The following FGF14 variants were observed in gnomAD, a reference collection of about 807,000 sequenced individuals.
FGF14 encodes the protein fibroblast growth factor homologous factor 4.
Under a neutral mutation model 25.5 loss-of-function variants are expected in FGF14, and 5 were observed. That is an observed-to-expected ratio of 0.20 (90% CI 0.10 to 0.41). The LOEUF is 0.41. Among genes scored for constraint, FGF14 ranks in the 10% least tolerant of loss-of-function variants. The pLI is 1.00. For synonymous variants in FGF14, 138 were observed against 118.3 expected, an observed-to-expected ratio of 1.17 and a Z score of -1.08; for missense variants, 222 against 320.1, an observed-to-expected ratio of 0.69 and a Z score of 2.34.
At chr13:101,937,207 T>C (rs900076378) in intron 1 of FGF14, among the ~76,000 whole-genome samples, 1 of 152,200 alleles carries the variant, frequency 6.6e-6, no homozygotes, top group African/African-American at 2.4e-5. Flanking sequence ...ATAATGAACA[T>C]ATCAGAATAA....
chr13:101,827,283 T>G (rs2042434550), intron 3 of FGF14, among the ~76,000 whole-genome samples: 2 of 151,986 alleles, frequency 1.3e-5, no homozygotes, highest in Non-Finnish European at 2.9e-5. Context: ...ATATTTACAA[T>G]GCACATAGCT....
chr13:102,066,548 C>A (rs1300788354), intron 1 of FGF14, among the ~76,000 whole-genome samples: 1 of 152,134 alleles, frequency 6.6e-6, no homozygotes, highest in African/African-American at 2.4e-5. Context: ...ATAAAGCTCC[C>A]ATTACATATG....
chr13:102,232,248 G>GA (rs1200978426), intron 1 of FGF14, among the ~76,000 whole-genome samples: 2 of 151,712 alleles, frequency 1.3e-5, no homozygotes, highest in African/African-American at 2.4e-5. Flanking sequence ...ATTAAAAGTA[G>GA]AAAAAAAATC....
chr13:101,877,320 T>C (rs2045456467), intron 1 of FGF14, among the ~76,000 whole-genome samples: 1 of 152,206 alleles, frequency 6.6e-6, no homozygotes, highest in African/African-American at 2.4e-5. Flanking sequence ...ACGTTTTTCC[T>C]TTTTAGAAAT....
chr13:102,135,432 G>A (rs901074783), intron 1 of FGF14, among the ~76,000 whole-genome samples: 2 of 152,056 alleles, frequency 1.3e-5, no homozygotes, highest in Non-Finnish European at 2.9e-5. Context: ...CGAACAAATA[G>A]CACATTTACA....
intron 1 of FGF14, among the ~76,000 whole-genome samples, chr13:101,981,580 T>C (rs2038268902): frequency 6.6e-6 from 1 of 151,976 alleles, no homozygotes; most frequent in Admixed American, 6.6e-5. Context: ...GCCATCACTG[T>C]AAGGGCTATA....
At chr13:102,387,827 G>A (rs2058341621) in intron 1 of FGF14, among the ~76,000 whole-genome samples, 2 of 152,108 alleles carry the variant, frequency 1.3e-5, no homozygotes. Flanking sequence ...TGCCTCCCAG[G>A]TTCAAGCGAT....
chr13:102,383,855 T>C (rs1327893231), intron 1 of FGF14, among the ~76,000 whole-genome samples: 1 of 151,946 alleles, frequency 6.6e-6, no homozygotes, highest in Non-Finnish European at 1.5e-5. Context: ...TCAGGAAGGG[T>C]TGGGTGTGAA....
intron 1 of FGF14, among the ~76,000 whole-genome samples, chr13:101,936,527 A>G (rs2035117310): frequency 6.6e-6 from 1 of 152,204 alleles, no homozygotes; most frequent in South Asian, 2.1e-4. Context: ...AAACACAGGC[A>G]TTTCAGGGAC....
chr13:101,947,952 G>A (rs9582540), intron 1 of FGF14, among the ~76,000 whole-genome samples: 7,565 of 152,052 alleles, frequency 0.05, 632 homozygotes, highest in African/African-American at 0.17. Flanking sequence ...AATTCTTTCA[G>A]GACAAATAAA....
intron 3 of FGF14, among the ~76,000 whole-genome samples, chr13:101,788,550 A>C (rs944594150): frequency 3.9e-5 from 6 of 152,084 alleles, no homozygotes; most frequent in African/African-American, 1.4e-4. Context: ...ATGTTGTTGT[A>C]AGAGAGACAA....
At chr13:102,320,623 T>C (rs575890402) in intron 1 of FGF14, among the ~76,000 whole-genome samples, 125 of 152,214 alleles carry the variant, frequency 8.2e-4, no homozygotes, top group African/African-American at 2.9e-3. Context: ...CAATTAGAGG[T>C]AGGAGGCAAG....
chr13:101,916,657 G>A lies in FGF14; in HGVS notation c.-12C>T, dbSNP rs764921436. ...ATGGCCGCGGCCATGGTGGCCCCGGGAACGGGTCCGGGGAGGGAGGGCGCG... is the reference window on the plus strand; with the variant it reads ...ATGGCCGCGGCCATGGTGGCCCCGGAAACGGGTCCGGGGAGGGAGGGCGCG... On this transcript the variant is annotated 5_prime_UTR_variant, in exon 1 of 5. Transcript: ENST00000376143. The A allele has an allele frequency of 5.7e-5, 88 of 1,534,626 alleles. No individual in the cohort carries two copies. The highest frequency in any genetic ancestry group is 7.7e-5 in the Admixed American group (4 of 51,616).
chr13:102,104,531 C>A (rs1358393308), intron 1 of FGF14, among the ~76,000 whole-genome samples: 2 of 152,088 alleles, frequency 1.3e-5, no homozygotes, highest in Non-Finnish European at 2.9e-5. Context: ...ATCCCAAAAC[C>A]TTGGAAGGCT....
chr13:101,811,459 T>G (rs930561115), intron 3 of FGF14, among the ~76,000 whole-genome samples: 1 of 152,218 alleles, frequency 6.6e-6, no homozygotes, highest in Non-Finnish European at 1.5e-5. Flanking sequence ...TTCCTTTTAG[T>G]GCTGAATAAT....
At chr13:102,084,908 T>C (rs1208319161) in intron 1 of FGF14, among the ~76,000 whole-genome samples, 1 of 152,154 alleles carries the variant, frequency 6.6e-6, no homozygotes, top group Non-Finnish European at 1.5e-5. Context: ...AAACCCTTAT[T>C]AATACTGATT....
intron 1 of FGF14, among the ~76,000 whole-genome samples, chr13:102,296,107 T>C (rs1320359515): frequency 1.4e-5 from 1 of 69,526 alleles, no homozygotes; most frequent in South Asian, 4.1e-4. Context: ...ATTTCAACTC[T>C]ACAATTAAAA....
chr13:101,778,534 T>C (rs977114088), intron 3 of FGF14, among the ~76,000 whole-genome samples: 20 of 152,188 alleles, frequency 1.3e-4, no homozygotes, highest in Admixed American at 1.3e-3. Flanking sequence ...TACAGTGTGC[T>C]CCTTGGTACC....
At chr13:102,216,507 T>A (rs1452130791) in intron 1 of FGF14, among the ~76,000 whole-genome samples, 1 of 152,130 alleles carries the variant, frequency 6.6e-6, no homozygotes, top group Non-Finnish European at 1.5e-5. Context: ...AAAAGCAAAA[T>A]TGAATTATAA....
Sources: gnomAD v4.1 joint callset for allele counts (sites outside exome capture counted in the v4.1 genomes callset) on GRCh38, gnomAD v4.1.1 for gene constraint, MANE v1.5 for transcripts, NCBI Gene and HGNC (gene_info 2026-07-23, HGNC 2026-07-21) for gene names.